Variants in EFHD1 observed in about 807,000 individuals in gnomAD.
The protein encoded by EFHD1 is EF-hand domain-containing protein D1.
In EFHD1, 10 loss-of-function variants were observed where a neutral mutation model predicts 17.2. The ratio of observed to expected loss-of-function variants is 0.58; its 90% CI spans 0.36 to 0.99. The LOEUF is 0.99. Among genes scored for constraint, EFHD1 ranks in the 50% least tolerant of loss-of-function variants. The pLI is 0.01. For missense variants in EFHD1, 310 were observed against 327.5 expected, an observed-to-expected ratio of 0.95 and a Z score of 0.41; for synonymous variants, 153 against 142.0, an observed-to-expected ratio of 1.08 and a Z score of -0.55.
At chr2:232,680,584 A>C (rs1446897928) in intron 3 of EFHD1, among the ~76,000 whole-genome samples, 1 of 152,118 alleles carries the variant, frequency 6.6e-6, no homozygotes, top group Non-Finnish European at 1.5e-5. Flanking sequence ...ATGGAGTCTC[A>C]CTGCAGCCTC....
intron 1 of EFHD1, among the ~76,000 whole-genome samples, chr2:232,624,402 C>A (rs1032051671): frequency 6.6e-6 from 1 of 152,204 alleles, no homozygotes; most frequent in Non-Finnish European, 1.5e-5. Context: ...TCTGGCTTGG[C>A]GCCTGGAGTC....
intron 1 of EFHD1, among the ~76,000 whole-genome samples, chr2:232,651,837 C>A (rs1359272525): frequency 1.5e-5 from 2 of 137,164 alleles, no homozygotes; most frequent in East Asian, 2.1e-4. Flanking sequence ...ACAAACAAAA[C>A]AAATACCTAA....
intron 1 of EFHD1, among the ~76,000 whole-genome samples, chr2:232,635,080 G>A (rs4378795): frequency 0.47 from 71,836 of 152,132 alleles, 18,044 homozygotes; most frequent in African/African-American, 0.56. Flanking sequence ...CTGCCTCCCT[G>A]ACACCCTGGT....
chr2:232,623,694 AG>A (rs1180788314), intron 1 of EFHD1, among the ~76,000 whole-genome samples: 27,093 of 81,254 alleles, frequency 0.33, 4,382 homozygotes, highest in Non-Finnish European at 0.41. Flanking sequence ...AAAAAAAAAA[AG>A]AAGAAGAAGA....
rs1449642129 is a variant in EFHD1 at position 232,680,717 on chromosome 2, C to T, written c.586-868C>T. ...AGGGACAGGATTTCACCATGTTGGC[C>T]AGGCTGGTCTCAAGCTCCTGGCCTC... On this transcript the variant is annotated intron_variant, in intron 3 of 3. Transcript: ENST00000264059. Among the ~76,000 whole-genome samples, 5 of 152,092 alleles carry T rather than the reference C, an allele frequency of 3.3e-5. No homozygotes were observed. The East Asian group carries it at 7.7e-4, about 24-fold the overall frequency.
chr2:232,663,817 T>G (rs879439559), intron 2 of EFHD1, among the ~76,000 whole-genome samples: 2 of 151,740 alleles, frequency 1.3e-5, no homozygotes, highest in Non-Finnish European at 2.9e-5. Flanking sequence ...GCGTCTTCTT[T>G]GCTTATCACC....
chr2:232,619,065 C>T (rs1441337596), intron 1 of EFHD1, among the ~76,000 whole-genome samples: 1 of 151,696 alleles, frequency 6.6e-6, no homozygotes, highest in Non-Finnish European at 1.5e-5. Flanking sequence ...AGGAGAATCG[C>T]TTGAACCTGG....
At position 232,681,954 on chromosome 2, in the gene EFHD1, C is replaced by G. The variant is rs937666707; in HGVS notation, c.*235C>G. 36 of 510,862 alleles carry G rather than the reference C, an allele frequency of 7.0e-5. No individual in the cohort carries two copies. The highest frequency in any genetic ancestry group is 6.6e-4 in the African/African-American group (34 of 51,488). 31.6% of individuals were successfully genotyped at this position (510,862 alleles called of 1,614,324 possible). On this transcript the variant is annotated 3_prime_UTR_variant, in exon 4 of 4. Transcript: ENST00000264059. ...CTGTCTCCTGCCTCTGCTCCTCTGC[C>G]CTTCTTATAGCCAGAACTTGTATCT...
At chr2:232,628,982 T>C (rs1694154119), upstream of EFHD1, among the ~76,000 whole-genome samples, 1 of 149,400 alleles carries the variant, frequency 6.7e-6, no homozygotes, top group African/African-American at 2.5e-5. Context: ...AGAGGCCACG[T>C]GTGGGTGTTT....
chr2:232,637,016 G>T lies in EFHD1; in HGVS notation c.302+3010G>T, dbSNP rs547409599. On this transcript the variant is annotated intron_variant, in intron 1 of 3. Coordinates refer to ENST00000264059, the MANE Select transcript of EFHD1 (RefSeq NM_025202.4). ...CTTCCGGGTTCTGCGGAAGGAACTCGTTAGCTCCTCTGCTGCTGGGTGAGG... is the reference window on the plus strand; with the variant it reads ...CTTCCGGGTTCTGCGGAAGGAACTCTTTAGCTCCTCTGCTGCTGGGTGAGG... Among the ~76,000 whole-genome samples the T allele has an allele frequency of 3.9e-5, 6 of 152,226 alleles. No individual in the cohort carries two copies. In the East Asian group the frequency reaches 1.2e-3, roughly 29 times the overall value.
At chr2:232,631,847 C>T (rs1194070386), upstream of EFHD1, among the ~76,000 whole-genome samples, 1 of 151,362 alleles carries the variant, frequency 6.6e-6, no homozygotes, top group African/African-American at 2.4e-5. Context: ...ACTAAAAATA[C>T]AAAAAATTAG....
intron 1 of EFHD1, among the ~76,000 whole-genome samples, chr2:232,657,636 C>T (rs764301736): frequency 8.6e-5 from 13 of 151,660 alleles, no homozygotes; most frequent in Admixed American, 1.3e-4. Flanking sequence ...ATGATGAAAC[C>T]CTGTCTCTAC....
rs567510078 is a variant in EFHD1, at chr2:232,607,875, C to T, written c.14+1702C>T. 6.6e-5 allele frequency among the ~76,000 whole-genome samples: 10 copies of T among 151,826 alleles called. No individual in the cohort carries two copies. The South Asian group carries it at 1.9e-3, about 28-fold the overall frequency. On this transcript the variant is annotated intron_variant, in intron 1 of 3. Transcript: ENST00000409613. Reference sequence around the variant, plus strand: ...TTGAGAGGCCAAGTCGGGAGGACAGCTTGAGTCCAGGAGTTCTAGACCAGC... The same window carrying T: ...TTGAGAGGCCAAGTCGGGAGGACAGTTTGAGTCCAGGAGTTCTAGACCAGC...
intron 1 of EFHD1, among the ~76,000 whole-genome samples, chr2:232,661,192 A>G (rs1186194514): frequency 2.6e-5 from 4 of 152,072 alleles, no homozygotes; most frequent in Admixed American, 2.6e-4. Flanking sequence ...GACCACTTTA[A>G]CCAAGTAAGT....
intron 1 of EFHD1, among the ~76,000 whole-genome samples, chr2:232,645,334 C>A (rs1226448603): frequency 1.3e-5 from 2 of 152,112 alleles, no homozygotes; most frequent in Non-Finnish European, 2.9e-5. Flanking sequence ...CCACTCTGCC[C>A]CTTCTGGGTG....
Position 232,681,803 on chromosome 2 carries a change from C to G in EFHD1, c.*84C>G. On this transcript the variant is annotated 3_prime_UTR_variant, in exon 4 of 4. Transcript: ENST00000264059. ...GACTAGGCATCTTCATCACTGCTGT[C>G]GGTCCCCTCCCTGAGCCAGCATCTC... The G allele has an allele frequency of 6.6e-7, 1 of 1,514,070 alleles. No homozygotes were observed. Among genetic ancestry groups the G allele is most frequent in the Admixed American group, 2.1e-5 (1 of 47,874 alleles). The allele number at this position is 1,514,070 out of a possible 1,614,324, so 93.8% of individuals were successfully genotyped here. A position where few individuals can be genotyped will look rare whatever the true frequency, so the allele number is the denominator to read the frequency against.
At chr2:232,658,242 C>T (rs1426581795) in intron 1 of EFHD1, among the ~76,000 whole-genome samples, 1 of 152,146 alleles carries the variant, frequency 6.6e-6, no homozygotes, top group Non-Finnish European at 1.5e-5. Context: ...TATCTGTGGA[C>T]ATCACACCAG....
intron 1 of EFHD1, among the ~76,000 whole-genome samples, chr2:232,621,896 G>C (rs1272589117): frequency 2.6e-5 from 4 of 152,144 alleles, no homozygotes. Flanking sequence ...ATGACAGAGG[G>C]CTCCTGGTTG....
chr2:232,615,575 T>A (rs1202410402), intron 1 of EFHD1, among the ~76,000 whole-genome samples: 2 of 152,114 alleles, frequency 1.3e-5, no homozygotes, highest in African/African-American at 4.8e-5. Flanking sequence ...CGGGCCTGCA[T>A]GCTCTGAGAG....
Sources: allele counts gnomAD v4.1 joint callset (sites outside exome capture counted in the v4.1 genomes callset), GRCh38; gene constraint gnomAD v4.1.1; transcripts MANE v1.5; gene names NCBI Gene and HGNC (gene_info 2026-07-23, HGNC 2026-07-21).